Variants in LSP1 observed in about 807,000 individuals in gnomAD.
LSP1 encodes the protein lymphocyte specific protein 1.
Under a neutral mutation model 49.3 loss-of-function variants are expected in LSP1, and 32 were observed. The observed-to-expected ratio is 0.65, with a 90% CI of 0.49 to 0.87. The LOEUF (loss-of-function observed/expected upper bound fraction) is 0.87, where lower values mean the gene tolerates loss of function less well. Among genes scored for constraint, LSP1 ranks in the 40% least tolerant of loss-of-function variants. The probability of loss-of-function intolerance (pLI) is 0.00; values close to 1 mark genes in which losing one functional copy is unlikely to be tolerated. For synonymous variants in LSP1, 179 were observed against 178.8 expected, an observed-to-expected ratio of 1.00 and a Z score of -0.01; for missense variants, 428 against 442.6, an observed-to-expected ratio of 0.97 and a Z score of 0.30.
chr11:1,874,563 G>T (rs1280900938), intron 1 of LSP1, among the ~76,000 whole-genome samples: 1 of 152,136 alleles, frequency 6.6e-6, no homozygotes, highest in Admixed American at 6.5e-5. Context: ...GGCCAAGAAG[G>T]GGCCGGGGCT....
At chr11:1,888,596 T>A (rs1225214751) in intron 10 of LSP1, 2 of 152,500 alleles carry the variant, frequency 1.3e-5, no homozygotes, top group African/African-American at 4.8e-5. Flanking sequence ...CCACGCTGGC[T>A]GAGGGCTCCC....
intron 1 of LSP1, 50 bp downstream of exon 1, chr11:1,853,247 A>C: frequency 6.3e-7 from 1 of 1,579,922 alleles, no homozygotes; most frequent in Non-Finnish European, 8.6e-7. Flanking sequence ...CCACGGGTGC[A>C]TAGTCCTTGA....
chr11:1,865,381 C>A, intron 1 of LSP1: 1 of 290,848 alleles, frequency 3.4e-6, no homozygotes, highest in Non-Finnish European at 5.1e-6. Flanking sequence ...CTGCCCCAAG[C>A]GTGGGCAGCG....
At chr11:1,857,693 T>C (rs1456763748) in intron 1 of LSP1, among the ~76,000 whole-genome samples, 1 of 152,164 alleles carries the variant, frequency 6.6e-6, no homozygotes, top group African/African-American at 2.4e-5. Context: ...AGTTTCCCCA[T>C]CTGCACACTC....
intron 1 of LSP1, chr11:1,876,732 T>C: frequency 4.0e-6 from 3 of 747,778 alleles, no homozygotes; most frequent in Non-Finnish European, 4.8e-6. Context: ...TGGGGGTTTG[T>C]GGAGGAAGGA....
At chr11:1,856,000 G>A (rs932783108) in intron 1 of LSP1, among the ~76,000 whole-genome samples, 2 of 152,156 alleles carry the variant, frequency 1.3e-5, no homozygotes, top group Admixed American at 1.3e-4. Flanking sequence ...GCTCTGCAGG[G>A]GTGTACCCTC....
chr11:1,888,966 C>T, intron 10 of LSP1: 1 of 516,450 alleles, frequency 1.9e-6, no homozygotes, highest in Non-Finnish European at 3.4e-6. Flanking sequence ...ACCTGACCAC[C>T]CTCCTAACCA....
chr11:1,883,594 C>A, intron 4 of LSP1, 34 bp downstream of exon 4: 5 of 1,576,834 alleles, frequency 3.2e-6, no homozygotes, highest in East Asian at 2.3e-5. Context: ...CTGGGTGTAC[C>A]CCCACCCCAG....
At position 1,890,203 on chromosome 11, in the gene LSP1, G is replaced by A. The variant is rs968401991; in HGVS notation, c.*14-1570G>A. On this transcript the variant is annotated intron_variant, in intron 10 of 10. Coordinates refer to ENST00000311604, the MANE Select transcript of LSP1 (RefSeq NM_002339.3). ...AGGCCGATGGAGAACGTGGACTTCTGCAGGGGTGATGCCACGTGGTGGATG... is the reference window on the plus strand; with the variant it reads ...AGGCCGATGGAGAACGTGGACTTCTACAGGGGTGATGCCACGTGGTGGATG... 9.8e-6 allele frequency: 7 copies of A among 716,888 alleles called. No homozygotes were observed. The African/African-American group carries it at 1.0e-4, about 11-fold the overall frequency. 44.4% of individuals were successfully genotyped at this position (716,888 alleles called of 1,614,324 possible).
At chr11:1,882,912 C>T (rs1397835774) in intron 3 of LSP1, among the ~76,000 whole-genome samples, 8 of 152,246 alleles carry the variant, frequency 5.3e-5, no homozygotes, top group Non-Finnish European at 8.8e-5. Context: ...CCCCCGCAGC[C>T]GGCAGCCCCT....
intron 1 of LSP1, among the ~76,000 whole-genome samples, chr11:1,875,218 G>A (rs1471728033): frequency 1.3e-5 from 2 of 152,200 alleles, no homozygotes; most frequent in East Asian, 1.9e-4. Context: ...CCGCTGAGGA[G>A]TTCTGTCTTC....
chr11:1,870,096 G>C, intron 1 of LSP1: 10 of 467,034 alleles, frequency 2.1e-5, no homozygotes, highest in South Asian at 1.6e-4. Flanking sequence ...GGACGGAGGC[G>C]CTGGCTGCAC....
Position 1,875,632 on chromosome 11 carries a change from T to C in LSP1, c.54-4455T>C, listed in dbSNP as rs548657625. On this transcript the variant is annotated intron_variant, in intron 1 of 10. Transcript: ENST00000311604. The stretch of plus-strand genomic sequence containing the variant: ...TCACTGCGGCGTCTCCCTTGCCCAC[T>C]GGCGTGGGACTACAAGGAAAGGGGT... Among the ~76,000 whole-genome samples, 9 of 152,326 alleles carry C rather than the reference T, an allele frequency of 5.9e-5. No homozygotes were observed. In the East Asian group the frequency reaches 1.5e-3, roughly 26 times the overall value.
intron 8 of LSP1, 58 bp from the exon 9 acceptor site, chr11:1,887,179 T>C: frequency 1.5e-6 from 2 of 1,366,118 alleles, no homozygotes; most frequent in South Asian, 2.5e-5. Context: ...GGCCCAGGGC[T>C]TCTACTCCCC....
chr11:1,879,115 C>T (rs1489208134), intron 1 of LSP1, among the ~76,000 whole-genome samples: 4 of 152,134 alleles, frequency 2.6e-5, no homozygotes, highest in Admixed American at 1.3e-4. Flanking sequence ...GAGGCTGAGG[C>T]GGGCGGATCA....
At chr11:1,853,382 C>T (rs1847409112) in intron 1 of LSP1, among the ~76,000 whole-genome samples, 185 bp downstream of exon 1, 1 of 152,194 alleles carries the variant, frequency 6.6e-6, no homozygotes, top group Non-Finnish European at 1.5e-5. Flanking sequence ...TTGCTGGGAC[C>T]CCCCTCTCAC....
intron 10 of LSP1, chr11:1,890,893 C>A (rs1848972082): frequency 2.6e-6 from 1 of 383,572 alleles, no homozygotes; most frequent in Non-Finnish European, 4.8e-6. Context: ...ACAAAGCAGG[C>A]CCCAAGTACA....
chr11:1,858,096 C>T (rs55840650), intron 1 of LSP1, among the ~76,000 whole-genome samples: 37,319 of 152,094 alleles, frequency 0.25, 5,547 homozygotes, highest in Admixed American at 0.33. Flanking sequence ...TTTCATCCCC[C>T]GGAGCTGTGA....
At chr11:1,883,900 G>A in intron 4 of LSP1, 32 bp from the exon 5 acceptor site, 1 of 1,572,430 alleles carries the variant, frequency 6.4e-7, no homozygotes, top group South Asian at 1.2e-5. Flanking sequence ...CAAGCAGGGG[G>A]TCACTTGGGA....
Sources: allele counts gnomAD v4.1 joint callset (sites outside exome capture counted in the v4.1 genomes callset), GRCh38; gene constraint gnomAD v4.1.1; transcripts MANE v1.5; gene names NCBI Gene and HGNC (gene_info 2026-07-23, HGNC 2026-07-21).